The following ADGRL3 variants were observed in gnomAD, a reference collection of about 807,000 sequenced individuals.
The protein encoded by ADGRL3 is adhesion G protein-coupled receptor L3, also known as calcium-independent alpha-latrotoxin receptor 3.
Under a neutral mutation model 153.5 loss-of-function variants are expected in ADGRL3, and 62 were observed. That is an observed-to-expected ratio of 0.40 (90% CI 0.33 to 0.50). The LOEUF (loss-of-function observed/expected upper bound fraction) is 0.50, where lower values mean the gene tolerates loss of function less well. Ranked by LOEUF, ADGRL3 falls within the 20% of genes least tolerant of loss-of-function variation. The probability of loss-of-function intolerance (pLI) is 0.47; values close to 1 mark genes in which losing one functional copy is unlikely to be tolerated. For synonymous variants in ADGRL3, 710 were observed against 672.5 expected, an observed-to-expected ratio of 1.06 and a Z score of -0.86; for missense variants, 1,641 against 1,859.4, an observed-to-expected ratio of 0.88 and a Z score of 2.16.
chr4:61,743,711 A>T (rs1226551931), intron 8 of ADGRL3, among the ~76,000 whole-genome samples: 3 of 152,056 alleles, frequency 2.0e-5, no homozygotes, highest in Non-Finnish European at 4.4e-5. Flanking sequence ...GAAAGAATTA[A>T]GAAAAAGACA....
chr4:61,621,519 T>A (rs945873256), intron 5 of ADGRL3, among the ~76,000 whole-genome samples: 1 of 152,174 alleles, frequency 6.6e-6, no homozygotes, highest in African/African-American at 2.4e-5. Context: ...ATTTTGAATA[T>A]TTTTAATTAA....
chr4:61,386,492 T>G (rs1409306444), intron 2 of ADGRL3, among the ~76,000 whole-genome samples: 1 of 152,296 alleles, frequency 6.6e-6, no homozygotes, highest in East Asian at 1.9e-4. Flanking sequence ...AACATACATG[T>G]AAAACCTCTG....
chr4:61,634,123 C>T (rs4484334), intron 5 of ADGRL3, among the ~76,000 whole-genome samples: 84,679 of 152,006 alleles, frequency 0.56, 26,863 homozygotes, highest in Non-Finnish European at 0.74. Flanking sequence ...ATCTATTTTA[C>T]GTACAATCCT....
At chr4:61,817,708 T>A (rs2097703844) in intron 9 of ADGRL3, among the ~76,000 whole-genome samples, 1 of 152,170 alleles carries the variant, frequency 6.6e-6, no homozygotes, top group African/African-American at 2.4e-5. Context: ...CACTTCCACA[T>A]GGCTGCGGAG....
chr4:61,464,487 A>G (rs1253153175), intron 2 of ADGRL3, among the ~76,000 whole-genome samples: 1 of 152,148 alleles, frequency 6.6e-6, no homozygotes, highest in Non-Finnish European at 1.5e-5. Flanking sequence ...GTTTCTTTAT[A>G]TGATATTTTG....
rs557402887 is a variant in ADGRL3, at chr4:61,946,992, G to A, written c.2498G>A (p.Gly833Glu). 2.9e-5 allele frequency: 46 copies of A among 1,613,766 alleles called. No homozygotes were observed. In the Admixed American group the frequency reaches 7.5e-4, roughly 26 times the overall value. ...LSTENASMKLGTEALSTNHSV... is the reference protein window; with the variant it reads ...LSTENASMKLETEALSTNHSV... ...ACGGAGAATGCCAGTATGAAGTTGGGAACGGAAGCTTTGTCCACAAATCAT... is the reference window on the plus strand; with the variant it reads ...ACGGAGAATGCCAGTATGAAGTTGGAAACGGAAGCTTTGTCCACAAATCAT... Residue 833 changes from glycine to glutamate, a missense_variant, in exon 16 of 27, where the codon GGA (glycine) becomes GAA (glutamate). This residue lies in a region of ADGRL3 where 734 missense variants were observed against 797.0 expected (regional missense o/e 0.92). Transcript: ENST00000683033.
chr4:61,235,773 T>C (rs1430252529), intron 1 of ADGRL3, among the ~76,000 whole-genome samples: 2 of 152,314 alleles, frequency 1.3e-5, no homozygotes, highest in South Asian at 4.1e-4. Flanking sequence ...TTCCCCTTTG[T>C]TCTGTTTCCA....
intron 1 of ADGRL3, among the ~76,000 whole-genome samples, chr4:61,367,350 TAG>T (rs2096418999): frequency 6.6e-6 from 1 of 151,766 alleles, no homozygotes; most frequent in Non-Finnish European, 1.5e-5. Context: ...ACTCATCATC[TAG>T]CATTAGGTAT....
chr4:61,237,526 GA>G (rs1753296597), intron 1 of ADGRL3, among the ~76,000 whole-genome samples: 1 of 152,124 alleles, frequency 6.6e-6, no homozygotes, highest in Admixed American at 6.6e-5. Flanking sequence ...ATCTGAGAAA[GA>G]AGGACCTTTT....
chr4:61,817,828 A>C (rs1369207699), intron 9 of ADGRL3, among the ~76,000 whole-genome samples: 1 of 152,140 alleles, frequency 6.6e-6, no homozygotes, highest in Non-Finnish European at 1.5e-5. Context: ...ATCAGATCTC[A>C]TGAGACTTAT....
chr4:61,738,255 C>A (rs1374277346), intron 8 of ADGRL3, among the ~76,000 whole-genome samples: 1 of 152,068 alleles, frequency 6.6e-6, no homozygotes, highest in Admixed American at 6.6e-5. Context: ...TAATTCATTC[C>A]TTTTTATGCC....
intron 22 of ADGRL3, among the ~76,000 whole-genome samples, chr4:62,029,409 A>C (rs970700374): frequency 4.6e-5 from 7 of 151,732 alleles, no homozygotes; most frequent in African/African-American, 1.7e-4. Flanking sequence ...ATCCCTTTCA[A>C]ATTTGACACC....
intron 2 of ADGRL3, among the ~76,000 whole-genome samples, chr4:61,418,414 G>GGGGAAACCAGAATACCCC (rs1560599855): frequency 7.0e-6 from 1 of 143,002 alleles, no homozygotes; most frequent in African/African-American, 2.8e-5. Flanking sequence ...CGTGAACATC[G>GGGGAAACCAGAATACCCC]GACATGGTTT....
intron 2 of ADGRL3, among the ~76,000 whole-genome samples, chr4:61,432,646 CT>C (rs532869973): frequency 9.4e-5 from 1 of 10,620 alleles, no homozygotes; most frequent in African/African-American, 2.7e-4. Context: ...TTCTTTCTTT[CT>C]TTCTTTCTTT....
chr4:61,846,563 A>G (rs1474759099), intron 9 of ADGRL3, among the ~76,000 whole-genome samples: 1 of 152,098 alleles, frequency 6.6e-6, no homozygotes, highest in Non-Finnish European at 1.5e-5. Flanking sequence ...AACCTTCCAC[A>G]TAAATATTTT....
intron 6 of ADGRL3, among the ~76,000 whole-genome samples, chr4:61,690,206 A>C (rs552220129): frequency 6.6e-6 from 1 of 152,264 alleles, no homozygotes; most frequent in South Asian, 2.1e-4. Context: ...GCACTTTGGA[A>C]GGCCAAGGCG....
chr4:61,775,694 C>A, intron 8 of ADGRL3: 2 of 1,446,838 alleles, frequency 1.4e-6, no homozygotes, highest in South Asian at 2.3e-5. Flanking sequence ...CAGTTGGATG[C>A]AAGCACACAA....
intron 2 of ADGRL3, among the ~76,000 whole-genome samples, chr4:61,451,496 A>T (rs955099380): frequency 7.2e-5 from 11 of 152,328 alleles, no homozygotes; most frequent in Middle Eastern, 3.4e-3. Context: ...GCTACCTCAG[A>T]TATCACCAAG....
At chr4:61,229,403 A>G (rs1166049086) in intron 1 of ADGRL3, among the ~76,000 whole-genome samples, 1 of 152,198 alleles carries the variant, frequency 6.6e-6, no homozygotes, top group Non-Finnish European at 1.5e-5. Context: ...CCCTATCTGG[A>G]CATTATTAGC....
Sources: allele counts gnomAD v4.1 joint callset (sites outside exome capture counted in the v4.1 genomes callset), GRCh38; gene constraint gnomAD v4.1.1; regional missense constraint gnomAD v4.1.1; transcripts MANE v1.5; gene names NCBI Gene and HGNC (gene_info 2026-07-23, HGNC 2026-07-21).